NTM: variants seen among roughly 807,000 people sequenced by gnomAD.
NTM encodes the protein IgLON family member 2.
In NTM, 13 loss-of-function variants were observed where a neutral mutation model predicts 42.1. That is an observed-to-expected ratio of 0.31 (90% CI 0.20 to 0.49). The LOEUF is 0.49. Among genes scored for constraint, NTM ranks in the 20% least tolerant of loss-of-function variants. The probability of loss-of-function intolerance (pLI) is 0.99; values close to 1 mark genes in which losing one functional copy is unlikely to be tolerated. For synonymous variants in NTM, 187 were observed against 179.2 expected, an observed-to-expected ratio of 1.04 and a Z score of -0.35; for missense variants, 373 against 452.8, an observed-to-expected ratio of 0.82 and a Z score of 1.60.
At chr11:132,100,762 A>G (rs1566159105) in intron 2 of NTM, among the ~76,000 whole-genome samples, 1 of 152,166 alleles carries the variant, frequency 6.6e-6, no homozygotes, top group Non-Finnish European at 1.5e-5. Flanking sequence ...CCACGCATAC[A>G]TATACAGACA....
chr11:131,807,396 C>A (rs1454879188), intron 1 of NTM, among the ~76,000 whole-genome samples: 2 of 152,156 alleles, frequency 1.3e-5, no homozygotes, highest in Non-Finnish European at 2.9e-5. Context: ...AGAAAGCTTT[C>A]TCCAAATAGG....
Position 131,676,847 on chromosome 11 carries a change from C to A in NTM, c.83-234717C>A, listed in dbSNP as rs143585809. ...TGAATTCCAGAGACTTAGCCCAGAT[C>A]CACTTCAGCCTCTGGAGTAGTCTGA... On this transcript the variant is annotated intron_variant, in intron 1 of 8. Transcript: ENST00000683400. Among the ~76,000 whole-genome samples, 23 of 152,386 alleles carry A rather than the reference C, an allele frequency of 1.5e-4. No individual in the cohort carries two copies. In the South Asian group the frequency reaches 2.3e-3, roughly 15 times the overall value.
intron 1 of NTM, among the ~76,000 whole-genome samples, chr11:131,809,504 G>T (rs902274150): frequency 9.9e-5 from 15 of 152,210 alleles, no homozygotes; most frequent in African/African-American, 3.6e-4. Flanking sequence ...GTACCAGGGA[G>T]CATGGGAGAG....
intron 2 of NTM, among the ~76,000 whole-genome samples, chr11:132,134,782 CATTG>C (rs1028510117): frequency 9.1e-6 from 1 of 110,492 alleles, no homozygotes; most frequent in Non-Finnish European, 1.8e-5. Context: ...TTTATCTATT[CATTG>C]ATTGACAGGC....
intron 1 of NTM, among the ~76,000 whole-genome samples, chr11:131,879,792 AGTT>A (rs1176287500): frequency 6.6e-6 from 1 of 152,162 alleles, no homozygotes; most frequent in Non-Finnish European, 1.5e-5. Flanking sequence ...AGTCTTAAAT[AGTT>A]GTCCCAAATT....
At chr11:132,201,647 A>G (rs2081169635) in intron 3 of NTM, among the ~76,000 whole-genome samples, 1 of 152,250 alleles carries the variant, frequency 6.6e-6, no homozygotes, top group Admixed American at 6.5e-5. Flanking sequence ...GTTGCTGAGC[A>G]CTATAAATAA....
chr11:131,629,371 T>C (rs1048014598), intron 1 of NTM, among the ~76,000 whole-genome samples: 5 of 152,196 alleles, frequency 3.3e-5, no homozygotes, highest in African/African-American at 1.2e-4. Flanking sequence ...GAAGCTGTCC[T>C]GTACCCACCC....
At chr11:132,217,539 T>C (rs1451291160) in intron 4 of NTM, among the ~76,000 whole-genome samples, 1 of 152,024 alleles carries the variant, frequency 6.6e-6, no homozygotes, top group Non-Finnish European at 1.5e-5. Flanking sequence ...ATAAAGACCC[T>C]GGGGGCAGAA....
At chr11:131,554,059 G>A (rs2055064026) in intron 1 of NTM, among the ~76,000 whole-genome samples, 1 of 152,166 alleles carries the variant, frequency 6.6e-6, no homozygotes, top group South Asian at 2.1e-4. Flanking sequence ...CTCTACGAAT[G>A]CTTCTCTTCC....
chr11:131,689,263 C>T (rs910112915), intron 1 of NTM, among the ~76,000 whole-genome samples: 5 of 152,132 alleles, frequency 3.3e-5, no homozygotes, highest in African/African-American at 1.2e-4. Context: ...CACAGGTGGC[C>T]CGGCAGGGAA....
chr11:132,228,647 G>T (rs2086817269), intron 4 of NTM, among the ~76,000 whole-genome samples: 2 of 152,326 alleles, frequency 1.3e-5, no homozygotes, highest in South Asian at 4.1e-4. Flanking sequence ...GAGCAAATTA[G>T]TGAGTGACCA....
At chr11:132,231,754 C>G (rs1160381598) in intron 4 of NTM, among the ~76,000 whole-genome samples, 1 of 152,186 alleles carries the variant, frequency 6.6e-6, no homozygotes, top group African/African-American at 2.4e-5. Context: ...ACCAGTCTGC[C>G]CAGTGACGAG....
intron 1 of NTM, among the ~76,000 whole-genome samples, chr11:131,838,259 T>C (rs1414172915): frequency 2.6e-5 from 4 of 152,156 alleles, no homozygotes; most frequent in East Asian, 1.9e-4. Flanking sequence ...GGCTCTGTCA[T>C]GTGTGTCAGG....
At chr11:132,095,771 C>A (rs1391283714) in intron 2 of NTM, among the ~76,000 whole-genome samples, 4 of 152,156 alleles carry the variant, frequency 2.6e-5, no homozygotes, top group African/African-American at 9.7e-5. Context: ...CTAGAAGACA[C>A]GTATTAGAAA....
chr11:131,648,959 G>A lies in NTM; in HGVS notation c.83-262605G>A, dbSNP rs145152221. 7.2e-3 allele frequency among the ~76,000 whole-genome samples: 1,098 copies of A among 152,330 alleles called. 12 individuals carry two copies. Among genetic ancestry groups the A allele is most frequent in the African/African-American group, 0.025 (1,028 of 41,576 alleles). ...AGGGTTACATGAATTCAAAGGTAAA[G>A]TAAGGACTTGACAAAGAGCAAAGCA... On this transcript the variant is annotated intron_variant, in intron 1 of 8. Coordinates refer to ENST00000683400, the MANE Select transcript of NTM (RefSeq NM_001352005.2).
intron 1 of NTM, among the ~76,000 whole-genome samples, chr11:131,832,905 C>T (rs1471281852): frequency 6.6e-6 from 1 of 152,198 alleles, no homozygotes; most frequent in East Asian, 1.9e-4. Flanking sequence ...ATAATTTAGG[C>T]TGCTCTGTTG....
At chr11:132,037,137 C>T (rs144440356) in intron 2 of NTM, among the ~76,000 whole-genome samples, 1,813 of 152,216 alleles carry the variant, frequency 0.012, 41 homozygotes, top group African/African-American at 0.041. Flanking sequence ...TTTGGACCAC[C>T]GGGATGGATC....
At chr11:132,082,032 A>T (rs1421176624) in intron 2 of NTM, among the ~76,000 whole-genome samples, 2 of 148,636 alleles carry the variant, frequency 1.3e-5, no homozygotes, top group African/African-American at 5.0e-5. Context: ...GAGGACTTCA[A>T]AAATTCATGG....
chr11:131,380,528 C>T (rs1272529756), intron 1 of NTM, among the ~76,000 whole-genome samples: 1 of 152,056 alleles, frequency 6.6e-6, no homozygotes, highest in Non-Finnish European at 1.5e-5. Context: ...CTTACTGCTT[C>T]TCTTATGCTT....
Sources: allele counts gnomAD v4.1 joint callset (sites outside exome capture counted in the v4.1 genomes callset), GRCh38; gene constraint gnomAD v4.1.1; transcripts MANE v1.5; gene names NCBI Gene and HGNC (gene_info 2026-07-23, HGNC 2026-07-21).